Variants in PPP2R3B observed in about 807,000 individuals in gnomAD.
PPP2R3B encodes the protein serine/threonine-protein phosphatase 2A regulatory subunit B'' subunit beta.
A neutral mutation model predicts 72.9 loss-of-function variants in PPP2R3B; 68 were observed. The observed-to-expected ratio is 0.93, with a 90% CI of 0.77 to 1.14. PPP2R3B has a LOEUF of 1.14. PPP2R3B is among the 50% of genes most tolerant of loss of function. PPP2R3B has a pLI of 0.00. For synonymous variants in PPP2R3B, 466 were observed against 375.8 expected (o/e 1.24, Z -2.78); for missense variants, 1,018 against 842.0 (o/e 1.21, Z -2.59).
rs778780336 is a variant in PPP2R3B at position 346,484 on chromosome X, G to A, written c.792+217C>T. 6.5e-4 allele frequency: 410 copies of A among 629,602 alleles called. 2 individuals are homozygous for A. In the African/African-American group the frequency reaches 7.3e-3, roughly 11 times the overall value. 39.0% of individuals were successfully genotyped at this position (629,602 alleles called of 1,614,324 possible). A position where few individuals can be genotyped will look rare whatever the true frequency, so the allele number is the denominator to read the frequency against. The stretch of plus-strand genomic sequence containing the variant: ...ACGCCCCGGAGCTACACGGGCCCAG[G>A]ACAGGTGGGAAGGGGGTGCGGCCAC... On this transcript the variant is annotated intron_variant, in intron 5 of 12. Coordinates refer to ENST00000390665, the MANE Select transcript of PPP2R3B (RefSeq NM_013239.5).
intron 7 of PPP2R3B, chrX:342,253 G>A (rs1219573430): frequency 3.8e-6 from 2 of 522,412 alleles, no homozygotes; most frequent in Non-Finnish European, 6.9e-6. Context: ...GTGTGATCAC[G>A]GAAACAAACA....
At chrX:384,156 A>G (rs1257597230) in intron 1 of PPP2R3B, among the ~76,000 whole-genome samples, 3 of 152,126 alleles carry the variant, frequency 2.0e-5, no homozygotes, top group Non-Finnish European at 4.4e-5. Context: ...GTTATTCACT[A>G]GAGACCTCTG....
At chrX:360,428 GGAGGCT>G (rs1349979718) in intron 2 of PPP2R3B, among the ~76,000 whole-genome samples, 1 of 152,182 alleles carries the variant, frequency 6.6e-6, no homozygotes, top group Non-Finnish European at 1.5e-5. Flanking sequence ...CAGCTACTTG[GGAGGCT>G]GAGGCAGGAG....
intron 12 of PPP2R3B, 136 bp from the exon 13 acceptor site, chrX:334,653 C>T (rs1298940895): frequency 9.4e-7 from 1 of 1,063,844 alleles, no homozygotes; most frequent in Admixed American, 4.1e-5. Context: ...GCTCCAGCCG[C>T]TGAGCCAGCA....
Position 341,514 on chromosome X carries a change from G to GC in PPP2R3B, c.1086-119dup, listed in dbSNP as rs1327692733. On this transcript the variant is annotated intron_variant, in intron 8 of 12. Transcript: ENST00000390665. The stretch of plus-strand genomic sequence containing the variant: ...GCCCCCCGGGCCCGGCCCTCCTCCT[G>GC]CCCCCCTCCTGCCCCTCCTCCTGCC... The GC allele has an allele frequency of 4.7e-6, 5 of 1,055,066 alleles. No homozygotes were observed. In the Admixed American group the frequency reaches 5.3e-5, roughly 11 times the overall value. The allele number at this position is 1,055,066 out of a possible 1,614,324, so 65.4% of individuals were successfully genotyped here.
rs1230663846 is a variant in PPP2R3B, at chrX:373,283, C to T, written c.325-11693G>A. Among the ~76,000 whole-genome samples, 6 of 152,356 alleles carry T rather than the reference C, an allele frequency of 3.9e-5. No individual in the cohort carries two copies. The East Asian group carries it at 5.8e-4, about 15-fold the overall frequency. ...AAGGAGCGAGTGCTCTTTTCAAAGC[C>T]CGGTTTTCCTAACAAGCTTGGCACC... On this transcript the variant is annotated intron_variant, in intron 1 of 12. Transcript: ENST00000390665.
intron 12 of PPP2R3B, 95 bp downstream of exon 12, chrX:338,509 G>GCTGCACA (rs2070951583): frequency 8.1e-7 from 1 of 1,229,082 alleles, no homozygotes; most frequent in African/African-American, 1.7e-5. Flanking sequence ...GCATCCCCCG[G>GCTGCACA]CTGCACACAC....
intron 12 of PPP2R3B, chrX:335,132 CA>C (rs1471419567): frequency 6.6e-6 from 1 of 152,340 alleles, no homozygotes; most frequent in Admixed American, 6.5e-5. Flanking sequence ...CGGTCACCCC[CA>C]CGGACCTGAG....
chrX:366,987 C>T (rs367723965), intron 1 of PPP2R3B, among the ~76,000 whole-genome samples: 7,785 of 120,890 alleles, frequency 0.064, 3 homozygotes, highest in Non-Finnish European at 0.084. Flanking sequence ...GAGGTCGCAC[C>T]ACTGTCCTCC....
intron 2 of PPP2R3B, among the ~76,000 whole-genome samples, chrX:354,237 ACCCAAACACTGGGGGCT>A (rs2071396204): frequency 1.3e-4 from 7 of 53,598 alleles, no homozygotes; most frequent in African/African-American, 5.4e-4. Flanking sequence ...CCGGGGGCTC[ACCCAAACACTGGGGGCT>A]CACCCAAACA....
intron 10 of PPP2R3B, among the ~76,000 whole-genome samples, chrX:339,373 G>C (rs375947274): frequency 1.1e-4 from 12 of 106,730 alleles, no homozygotes; most frequent in Non-Finnish European, 2.1e-4. Flanking sequence ...GCCAGGCGGC[G>C]TGGACGGTGG....
chrX:363,887 C>A (rs1361578459), intron 1 of PPP2R3B, among the ~76,000 whole-genome samples: 1 of 152,232 alleles, frequency 6.6e-6, no homozygotes, highest in Non-Finnish European at 1.5e-5. Flanking sequence ...CTGTGTTTGG[C>A]AATATAGCAA....
At chrX:373,680 C>CGCGGG (rs1265494859) in intron 1 of PPP2R3B, 20 of 177,708 alleles carry the variant, frequency 1.1e-4, no homozygotes, top group Non-Finnish European at 1.9e-4. Context: ...CAGGGCTCTC[C>CGCGGG]GCGGGCCGGG....
Position 334,301 on chromosome X carries a change from C to G in PPP2R3B, c.*66G>C, listed in dbSNP as rs1490779483. 14 of 1,409,456 alleles carry G rather than the reference C, an allele frequency of 9.9e-6. No individual in the cohort carries two copies. The highest frequency in any genetic ancestry group is 1.3e-5 in the Non-Finnish European group (14 of 1,081,366). The allele number at this position is 1,409,456 out of a possible 1,614,324, so 87.3% of individuals were successfully genotyped here. ...CTCATTTTCCACAACAGTTTTTACACGAGCCGCGGTGGCCCGGTGGTGGCA... is the reference window on the plus strand; with the variant it reads ...CTCATTTTCCACAACAGTTTTTACAGGAGCCGCGGTGGCCCGGTGGTGGCA... On this transcript the variant is annotated 3_prime_UTR_variant, in exon 13 of 13. Transcript: ENST00000390665.
intron 8 of PPP2R3B, 194 bp from the exon 9 acceptor site, chrX:341,590 C>G: frequency 6.0e-6 from 4 of 667,378 alleles, no homozygotes; most frequent in South Asian, 3.6e-5. Flanking sequence ...TCCCCAGATC[C>G]AGGCAGGGTC....
At position 386,858 on chromosome X, in the gene PPP2R3B, G is replaced by GGGGACCGAGGAGGGGGCGCGGTC. The variant is rs2072270116; in HGVS notation, c.-190_-168dup. 1 of 250,458 alleles carries GGGGACCGAGGAGGGGGCGCGGTC rather than the reference G, an allele frequency of 4.0e-6. No individual in the cohort carries two copies. The highest frequency in any genetic ancestry group is 7.0e-6 in the Non-Finnish European group (1 of 143,216). The allele number at this position is 250,458 out of a possible 1,614,324, so 15.5% of individuals were successfully genotyped here. A position where few individuals can be genotyped will look rare whatever the true frequency, so the allele number is the denominator to read the frequency against. On this transcript the variant is annotated 5_prime_UTR_variant, in exon 1 of 13. Coordinates refer to ENST00000390665, the MANE Select transcript of PPP2R3B (RefSeq NM_013239.5). ...GGAACTGCGCGGACTCGCGGGGCGCGGGGACCGAGGAGGGGGCGCGGTCCG... is the reference window on the plus strand; with the variant it reads ...GGAACTGCGCGGACTCGCGGGGCGCGGGGACCGAGGAGGGGGCGCGGTCGGGACCGAGGAGGGGGCGCGGTCCG...
chrX:334,755 C>T (rs1386298861), intron 12 of PPP2R3B: 3 of 462,680 alleles, frequency 6.5e-6, no homozygotes, highest in Non-Finnish European at 1.1e-5. Context: ...CGGGACGGAG[C>T]CCCGGGCGTG....
intron 3 of PPP2R3B, 95 bp downstream of exon 3, chrX:347,495 T>C: frequency 7.1e-7 from 1 of 1,408,602 alleles, no homozygotes; most frequent in Non-Finnish European, 9.9e-7. Context: ...CTCCTCTCAC[T>C]GCGGCAGCCT....
In PPP2R3B at chrX:345,593, TAGATG is replaced by T. The variant is rs1569385467; in HGVS notation, c.954_958del (p.Ile319LeufsTer24). 2 of 1,613,164 alleles carry T rather than the reference TAGATG, an allele frequency of 1.2e-6. No individual in the cohort carries two copies. The highest frequency in any genetic ancestry group is 1.7e-6 in the Non-Finnish European group (2 of 1,179,530). On this transcript the variant is annotated frameshift_variant, in exon 7 of 13. Transcript: ENST00000390665. LOFTEE classifies it high-confidence loss of function. The stretch of plus-strand genomic sequence containing the variant: ...CGTGTCCAGCTCCCAGAACTTGCAG[TAGATG>T]ACGTAGAAATGCTCGTACGAGAAGA...
Sources: gnomAD v4.1 joint callset for allele counts (sites outside exome capture counted in the v4.1 genomes callset) on GRCh38, gnomAD v4.1.1 for gene constraint, MANE v1.5 for transcripts, NCBI Gene and HGNC (gene_info 2026-07-23, HGNC 2026-07-21) for gene names.